The following ZNF429 variants were observed in gnomAD, a reference collection of about 807,000 sequenced individuals.
The protein encoded by ZNF429 is zinc finger protein 429.
Under a neutral mutation model 56.8 loss-of-function variants are expected in ZNF429, and 53 were observed. That is an observed-to-expected ratio of 0.93 (90% CI 0.75 to 1.17). The LOEUF is 1.17. Ranked by LOEUF, ZNF429 falls within the 50% of genes most tolerant of loss-of-function variation. The pLI, the probability that ZNF429 is intolerant of heterozygous loss-of-function variation, is 0.00. For missense variants in ZNF429, 849 were observed against 788.4 expected, an observed-to-expected ratio of 1.08 and a Z score of -0.92; for synonymous variants, 278 against 264.7, an observed-to-expected ratio of 1.05 and a Z score of -0.49.
chr19:21,508,720 G>T (rs947826563), intron 1 of ZNF429, among the ~76,000 whole-genome samples: 1 of 149,606 alleles, frequency 6.7e-6, no homozygotes. Flanking sequence ...TTATGGCTGG[G>T]TGATTTCAAA....
intron 3 of ZNF429, among the ~76,000 whole-genome samples, chr19:21,534,970 T>C: frequency 2.1e-5 from 3 of 142,070 alleles, no homozygotes; most frequent in African/African-American, 8.0e-5. Context: ...CCACCACGCC[T>C]GGCTAATTTT....
chr19:21,512,800 T>G (rs1235339875), intron 1 of ZNF429, among the ~76,000 whole-genome samples: 2 of 152,078 alleles, frequency 1.3e-5, no homozygotes, highest in African/African-American at 4.8e-5. Flanking sequence ...ACCATTTTTA[T>G]GAGAGCAAGA....
chr19:21,517,627 T>C (rs2145434752), intron 1 of ZNF429, among the ~76,000 whole-genome samples: 1 of 152,290 alleles, frequency 6.6e-6, no homozygotes, highest in South Asian at 2.1e-4. Context: ...TGTTCTGTTC[T>C]GGGCTCCAGT....
intron 1 of ZNF429, among the ~76,000 whole-genome samples, chr19:21,510,643 G>A (rs1453447582): frequency 1.3e-5 from 2 of 151,474 alleles, no homozygotes; most frequent in Non-Finnish European, 2.9e-5. Flanking sequence ...GATTTGGCAG[G>A]GTCATAGGAC....
At chr19:21,533,017 C>T in intron 3 of ZNF429, among the ~76,000 whole-genome samples, 122,389 of 151,760 alleles carry the variant, frequency 0.81, 49,973 homozygotes, top group African/African-American at 0.94. Flanking sequence ...TTTTTCATTT[C>T]TAAGTATTTG....
At position 21,538,543 on chromosome 19, in the gene ZNF429, T is replaced by C. The variant is rs527379146; in HGVS notation, c.*465T>C. ...TGAACCTGGGAGCCAGAGGTAGCAG[T>C]GAGCTGAGATCACGCCACTACACTC... On this transcript the variant is annotated 3_prime_UTR_variant, in exon 4 of 4. Coordinates refer to ENST00000358491, the MANE Select transcript of ZNF429 (RefSeq NM_001001415.4). 8 of 153,132 alleles carry C rather than the reference T, an allele frequency of 5.2e-5. No homozygotes were observed. Among genetic ancestry groups the C allele is most frequent in the African/African-American group, 1.9e-4 (8 of 41,520 alleles). 9.5% of individuals were successfully genotyped at this position (153,132 alleles called of 1,614,324 possible).
intron 1 of ZNF429, among the ~76,000 whole-genome samples, chr19:21,512,722 C>T (rs2032559205): frequency 6.6e-6 from 1 of 150,896 alleles, no homozygotes; most frequent in Non-Finnish European, 1.5e-5. Context: ...GAATGCAGCC[C>T]AATAGGCTCT....
chr19:21,535,481 TTTCTTTCTTTCTTTC>T, intron 3 of ZNF429, among the ~76,000 whole-genome samples: 10 of 111,100 alleles, frequency 9.0e-5, no homozygotes, highest in South Asian at 2.9e-4. Flanking sequence ...TCTTTCTTTC[TTTCTTTCTTTCTTTC>T]TTCTTTCTTT....
At chr19:21,505,915 G>C (rs954082484) in intron 1 of ZNF429, 141 bp downstream of exon 1, 3 of 887,350 alleles carry the variant, frequency 3.4e-6, no homozygotes, top group Non-Finnish European at 5.3e-6. Flanking sequence ...CTCGGCTTCA[G>C]TCCCCTTCAG....
At chr19:21,534,499 C>T in intron 3 of ZNF429, among the ~76,000 whole-genome samples, 1 of 100,832 alleles carries the variant, frequency 9.9e-6, no homozygotes, top group Non-Finnish European at 2.3e-5. Context: ...TCTCAGTCTC[C>T]TGACTACAGA....
chr19:21,506,028 C>G (rs913861442), intron 1 of ZNF429: 17 of 344,806 alleles, frequency 4.9e-5, no homozygotes, highest in African/African-American at 3.2e-4. Context: ...GCTCTGCACG[C>G]GCAATTCCGC....
chr19:21,505,980 C>T (rs1427209227), intron 1 of ZNF429: 3 of 484,126 alleles, frequency 6.2e-6, no homozygotes, highest in East Asian at 4.0e-5. Context: ...GTCTTCCCTC[C>T]GCAGTGACTG....
intron 1 of ZNF429, among the ~76,000 whole-genome samples, chr19:21,513,191 G>A (rs1045144298): frequency 2.0e-5 from 3 of 152,000 alleles, no homozygotes; most frequent in African/African-American, 7.2e-5. Context: ...ATGGTAATGG[G>A]GTTTCTTTCC....
At chr19:21,517,925 A>T (rs1362558603) in intron 1 of ZNF429, among the ~76,000 whole-genome samples, 1 of 151,086 alleles carries the variant, frequency 6.6e-6, no homozygotes, top group Non-Finnish European at 1.5e-5. Context: ...TCCTGAGTAG[A>T]TGGGACTACG....
At chr19:21,535,345 TTTCCTTTCTTTTC>T in intron 3 of ZNF429, among the ~76,000 whole-genome samples, 1 of 110,178 alleles carries the variant, frequency 9.1e-6, no homozygotes, top group Non-Finnish European at 2.0e-5. Flanking sequence ...TTTTCTTTCC[TTTCCTTTCTTTTC>T]TTCTTTCTTT....
intron 1 of ZNF429, among the ~76,000 whole-genome samples, chr19:21,512,555 T>C (rs928625284): frequency 1.3e-5 from 2 of 150,268 alleles, no homozygotes; most frequent in Non-Finnish European, 2.9e-5. Flanking sequence ...TCCCAGCTAC[T>C]TGGGAGACAG....
Position 21,538,036 on chromosome 19 carries a change from T to G in ZNF429, c.1983T>G (p.Gly661=), listed in dbSNP as rs1249554017. ...ACNPSTLGGR[G]GRITRSGDRD... is the part of the protein sequence containing the mutation. The stretch of plus-strand genomic sequence containing the variant: ...ATCCCAGCACTTTGGGAGGCAGAGG[T>G]GGGCGGATCACGAGGTCAGGAGATC... Residue 661 remains glycine, a synonymous_variant, in exon 4 of 4, where the codon GGT becomes GGG. Transcript: ENST00000358491. 1 of 1,565,330 alleles carries G rather than the reference T, an allele frequency of 6.4e-7. No individual in the cohort carries two copies. Among genetic ancestry groups the G allele is most frequent in the African/African-American group, 1.5e-5 (1 of 68,484 alleles).
At chr19:21,518,324 T>C (rs1191128404) in intron 1 of ZNF429, among the ~76,000 whole-genome samples, 1 of 152,220 alleles carries the variant, frequency 6.6e-6, no homozygotes, top group Non-Finnish European at 1.5e-5. Flanking sequence ...TTGAGATCTT[T>C]CTACCTTTTT....
rs755954689 is a variant in ZNF429 at position 21,536,710 on chromosome 19, T to C, written c.657T>C (p.His219=). 3 of 1,614,044 alleles carry C rather than the reference T, an allele frequency of 1.9e-6. No individual in the cohort carries two copies. The highest frequency in any genetic ancestry group is 1.7e-6 in the Non-Finnish European group (2 of 1,180,016). ...AFNQSSALTN[H]KRIYVGEKHY... is the part of the protein sequence containing the mutation. ...ATCAGTCCTCAGCCCTTACTAACCATAAGAGAATTTATGTTGGTGAGAAAC... is the reference window on the plus strand; with the variant it reads ...ATCAGTCCTCAGCCCTTACTAACCACAAGAGAATTTATGTTGGTGAGAAAC... Residue 219 remains histidine, a synonymous_variant, in exon 4 of 4, where the codon CAT becomes CAC. Coordinates refer to ENST00000358491, the MANE Select transcript of ZNF429 (RefSeq NM_001001415.4).
Sources: gnomAD v4.1 joint callset for allele counts (sites outside exome capture counted in the v4.1 genomes callset) on GRCh38, gnomAD v4.1.1 for gene constraint, MANE v1.5 for transcripts, NCBI Gene and HGNC (gene_info 2026-07-23, HGNC 2026-07-21) for gene names.